LHCGR: variants seen among roughly 807,000 people sequenced by gnomAD.
LHCGR encodes the protein lutropin-choriogonadotropic hormone receptor.
A neutral mutation model predicts 60.7 loss-of-function variants in LHCGR; 55 were observed. The ratio of observed to expected loss-of-function variants is 0.91; its 90% CI spans 0.73 to 1.13. The LOEUF (loss-of-function observed/expected upper bound fraction) is 1.13. Among genes scored for constraint, LHCGR ranks in the 50% most tolerant of loss-of-function variants. LHCGR has a pLI of 0.00. For missense variants in LHCGR, 862 were observed against 836.0 expected, an observed-to-expected ratio of 1.03 and a Z score of -0.38; for synonymous variants, 337 against 316.5, an observed-to-expected ratio of 1.06 and a Z score of -0.69.
chr2:48,741,861 T>C (rs958781125), intron 1 of LHCGR, among the ~76,000 whole-genome samples: 2 of 150,734 alleles, frequency 1.3e-5, no homozygotes, highest in East Asian at 2.0e-4. Flanking sequence ...TAAATGTAAA[T>C]GGACTAAATG....
At chr2:48,700,813 TAA>T (rs1178560401) in intron 8 of LHCGR, among the ~76,000 whole-genome samples, 11 of 152,108 alleles carry the variant, frequency 7.2e-5, no homozygotes, top group Non-Finnish European at 1.6e-4. Context: ...GTGGAAGTCA[TAA>T]GTAAACAGAA....
intron 1 of LHCGR, among the ~76,000 whole-genome samples, chr2:48,741,763 C>T (rs184059857): frequency 1.5e-3 from 233 of 151,716 alleles, no homozygotes; most frequent in African/African-American, 5.4e-3. Context: ...ACCATCGAGA[C>T]TAGGAAGAAA....
At chr2:48,691,109 A>C (rs1415340154) in intron 10 of LHCGR, among the ~76,000 whole-genome samples, 2 of 152,256 alleles carry the variant, frequency 1.3e-5, no homozygotes, top group African/African-American at 4.8e-5. Context: ...TGTCAAGGCC[A>C]TTACATATAT....
At chr2:48,713,698 A>C (rs1668106244) in intron 7 of LHCGR, among the ~76,000 whole-genome samples, 1 of 152,108 alleles carries the variant, frequency 6.6e-6, no homozygotes, top group Admixed American at 6.5e-5. Context: ...AACCTGAGTG[A>C]GGGGGCTAGA....
Position 48,687,741 on chromosome 2 carries a change from G to A in LHCGR, c.2056C>T (p.Gln686Ter). ...GTCTTGTCTAGGAGAGCTGTACCTT[G>A]ACAGTGCAATGTGGACAACTTCAAG... Reference protein sequence around the residue: ...STLKLSTLHCQGTALLDKTRY... With the variant: ...STLKLSTLHC Residue 686 changes from glutamine (Q) to a stop codon, truncating the protein, a stop_gained, in exon 11 of 11, where the codon CAA becomes TAA. Transcript: ENST00000294954. LOFTEE classifies it high-confidence loss of function. 1 of 1,614,110 alleles carries A rather than the reference G, an allele frequency of 6.2e-7. No individual in the cohort carries two copies. Among genetic ancestry groups the A allele is most frequent in the Non-Finnish European group, 8.5e-7 (1 of 1,179,982 alleles).
rs755957674 is a variant in LHCGR, at chr2:48,736,088, G to A, written c.162-4790C>T. On this transcript the variant is annotated intron_variant, in intron 1 of 10. Transcript: ENST00000294954. ...TTGTAAGTTTCCTGAGGCCTCCCTA[G>A]CCATGCTTCCTGTACAGCCTGCAGA... Among the ~76,000 whole-genome samples the A allele has an allele frequency of 3.9e-5, 6 of 152,070 alleles. 1 individual carries two copies. In the East Asian group the frequency reaches 9.6e-4, roughly 24 times the overall value.
chr2:48,728,957 G>T (rs1209833997), intron 3 of LHCGR, among the ~76,000 whole-genome samples, 196 bp downstream of exon 3: 6 of 152,128 alleles, frequency 3.9e-5, no homozygotes, highest in Admixed American at 2.6e-4. Flanking sequence ...CAGCTCCCAG[G>T]GAGAAGCAGT....
chr2:48,688,570 C>T lies in LHCGR; in HGVS notation c.1227G>A (p.Gly409=), dbSNP rs1572803573. 8.1e-6 allele frequency: 13 copies of T among 1,614,122 alleles called. No homozygotes were observed. The highest frequency in any genetic ancestry group is 1.1e-5 in the Non-Finnish European group (13 of 1,180,042). ...CTGAGGCTATGAGCAGCAGATAGAG[C>T]CCCATGCAAAAGTCTGCAAAGGAGA... ...CNLSFADFCM[G]LYLLLIASVD... is the part of the protein sequence containing the mutation. Residue 409 remains glycine, a synonymous_variant, in exon 11 of 11, where the codon GGG becomes GGA. Coordinates refer to ENST00000294954, the MANE Select transcript of LHCGR (RefSeq NM_000233.4). This position sits in a 1 kb window ranked among gnomAD's most constrained non-coding sequence, Gnocchi z 5.2.
In LHCGR at chr2:48,723,496, C is replaced by T; in HGVS notation, c.496G>A (p.Gly166Arg). 6.2e-7 allele frequency: 1 copy of T among 1,612,824 alleles called. No homozygotes were observed. The highest frequency in any genetic ancestry group is 8.5e-7 in the Non-Finnish European group (1 of 1,178,832). Residue 166 changes from glycine (G) to arginine (R), a missense_variant, in exon 6 of 11, where the codon GGA becomes AGA. Gly to Arg is a moderately radical substitution (Grantham distance 125). Transcript: ENST00000294954. ...CDNLHITTIPGNAFQGMNNES... is the reference protein window; with the variant it reads ...CDNLHITTIPRNAFQGMNNES... ...TTATTCATCCCTTGAAAAGCATTTCCTGGTATGGTGGTTATGTGTAAGTTA... is the reference window on the plus strand; with the variant it reads ...TTATTCATCCCTTGAAAAGCATTTCTTGGTATGGTGGTTATGTGTAAGTTA...
intron 7 of LHCGR, among the ~76,000 whole-genome samples, chr2:48,710,206 C>T (rs1052266697): frequency 2.6e-5 from 4 of 152,202 alleles, no homozygotes; most frequent in Non-Finnish European, 5.9e-5. Flanking sequence ...GTCAATCTCA[C>T]ATCGTCCCAT....
At position 48,698,751 on chromosome 2, in the gene LHCGR, A is replaced by G. The variant is rs1394612288; in HGVS notation, c.730T>C (p.Ser244Pro). 1.2e-6 allele frequency: 2 copies of G among 1,613,842 alleles called. No individual in the cohort carries two copies. The highest frequency in any genetic ancestry group is 1.3e-5 in the African/African-American group (1 of 74,852). Reference protein sequence around the residue: ...LQALPSYGLESIQRLIATSSY... With the variant: ...LQALPSYGLEPIQRLIATSSY... ...GACGTGGCAATTAGCCTCTGAATGG[A>G]CTCTAGGCCATAGCTCGGCAGGGCC... The change falls in exon 9 of 11, where the codon TCC becomes CCC. Residue 244 changes from serine to proline, a missense_variant. Ser to Pro is a moderately conservative substitution (Grantham distance 74, BLOSUM62 -1). Coordinates refer to ENST00000294954, the MANE Select transcript of LHCGR (RefSeq NM_000233.4).
At chr2:48,711,898 C>T (rs1668008417) in intron 7 of LHCGR, among the ~76,000 whole-genome samples, 1 of 152,116 alleles carries the variant, frequency 6.6e-6, no homozygotes, top group African/African-American at 2.4e-5. Flanking sequence ...CTCATACTTC[C>T]ATCTCAGAAC....
intron 6 of LHCGR, among the ~76,000 whole-genome samples, chr2:48,717,881 C>G (rs1280728897): frequency 8.6e-6 from 1 of 116,772 alleles, no homozygotes; most frequent in Non-Finnish European, 1.7e-5. Context: ...TCCTGCTTGT[C>G]TCAACTTTCT....
intron 6 of LHCGR, among the ~76,000 whole-genome samples, chr2:48,715,235 G>A (rs1668193607): frequency 6.6e-6 from 1 of 152,138 alleles, no homozygotes; most frequent in South Asian, 2.1e-4. Context: ...TCCTCCGTGA[G>A]AACATATCCT....
chr2:48,724,457 A>G (rs1668633052), intron 4 of LHCGR, among the ~76,000 whole-genome samples: 1 of 152,172 alleles, frequency 6.6e-6, no homozygotes. Flanking sequence ...CCTCGTGACA[A>G]TGAAACAAAG....
At chr2:48,716,964 G>A (rs1470415507) in intron 6 of LHCGR, among the ~76,000 whole-genome samples, 1 of 152,142 alleles carries the variant, frequency 6.6e-6, no homozygotes, top group East Asian at 1.9e-4. Flanking sequence ...TTTATAACAA[G>A]CTCTCCTAGT....
At chr2:48,744,024 A>G in intron 1 of LHCGR, among the ~76,000 whole-genome samples, 3 of 111,478 alleles carry the variant, frequency 2.7e-5, no homozygotes, top group African/African-American at 8.2e-5. Context: ...ACGTACAAAA[A>G]TCACAAGCAT....
At position 48,732,866 on chromosome 2, in the gene LHCGR, C is replaced by T. The variant is rs780248879; in HGVS notation, c.162-1568G>A. 3 of 534,456 alleles carry T rather than the reference C, an allele frequency of 5.6e-6. No individual in the cohort carries two copies. The East Asian group carries it at 1.6e-4, about 29-fold the overall frequency. The allele number at this position is 534,456 out of a possible 1,614,324, so 33.1% of individuals were successfully genotyped here. A position where few individuals can be genotyped will look rare whatever the true frequency, so the allele number is the denominator to read the frequency against. ...ATATAACCTAGAGAAAGTAATCCAA[C>T]TTTGGTCTCTGATTCTATTCCCGAA... On this transcript the variant is annotated intron_variant, in intron 1 of 10. Coordinates refer to ENST00000294954, the MANE Select transcript of LHCGR (RefSeq NM_000233.4).
Position 48,731,309 on chromosome 2 carries a change from A to T in LHCGR, c.162-11T>A. Reference sequence around the variant, plus strand: ...AGGTAGGCAAGTGATCTAGAAAAGAAAAAAGGAAATCCAAGAGTTTAAGAT... The same window carrying T: ...AGGTAGGCAAGTGATCTAGAAAAGATAAAAGGAAATCCAAGAGTTTAAGAT... On this transcript the variant is annotated splice_polypyrimidine_tract_variant and intron_variant, in intron 1 of 10. Coordinates refer to ENST00000294954, the MANE Select transcript of LHCGR (RefSeq NM_000233.4). The T allele has an allele frequency of 6.2e-7, 1 of 1,602,140 alleles. No individual in the cohort carries two copies. Among genetic ancestry groups the T allele is most frequent in the Non-Finnish European group, 8.5e-7 (1 of 1,171,510 alleles).
Sources: gnomAD v4.1 joint callset for allele counts (sites outside exome capture counted in the v4.1 genomes callset) on GRCh38, gnomAD v4.1.1 for gene constraint, Gnocchi (gnomAD v3.1) non-coding constraint, MANE v1.5 for transcripts, NCBI Gene and HGNC (gene_info 2026-07-23, HGNC 2026-07-21) for gene names.